The following ENPP2 variants were observed in gnomAD, a reference collection of about 807,000 sequenced individuals.
The protein encoded by ENPP2 is autotaxin.
A neutral mutation model predicts 120.2 loss-of-function variants in ENPP2; 51 were observed. The observed-to-expected ratio is 0.42, with a 90% CI of 0.34 to 0.54. The LOEUF (loss-of-function observed/expected upper bound fraction) is 0.54, where lower values mean the gene tolerates loss of function less well. ENPP2 is among the 20% of genes least tolerant of loss of function. The probability of loss-of-function intolerance (pLI) is 0.04; values close to 1 mark genes in which losing one functional copy is unlikely to be tolerated. For synonymous variants in ENPP2, 365 were observed against 366.4 expected, an observed-to-expected ratio of 1.00 and a Z score of 0.04; for missense variants, 920 against 1,066.5, an observed-to-expected ratio of 0.86 and a Z score of 1.91.
At chr8:119,623,780 C>T (rs1020673104) in intron 3 of ENPP2, among the ~76,000 whole-genome samples, 11 of 152,050 alleles carry the variant, frequency 7.2e-5, no homozygotes, top group Non-Finnish European at 1.0e-4. Context: ...TGCCTCCCCC[C>T]ATGCCTGGGT....
At chr8:119,641,854 C>T (rs1454655054), upstream of ENPP2, among the ~76,000 whole-genome samples, 1 of 152,146 alleles carries the variant, frequency 6.6e-6, no homozygotes, top group African/African-American at 2.4e-5. Flanking sequence ...GTTCCTGCAG[C>T]AGACGTGATT....
intron 22 of ENPP2, 104 bp downstream of exon 22, chr8:119,568,071 A>G: frequency 1.4e-6 from 1 of 723,544 alleles, no homozygotes; most frequent in Non-Finnish European, 2.5e-6. Flanking sequence ...TAAACACATG[A>G]AAAGTATTCT....
At chr8:119,564,289 T>G (rs1452162007) in intron 23 of ENPP2, among the ~76,000 whole-genome samples, 2 of 152,270 alleles carry the variant, frequency 1.3e-5, no homozygotes, top group African/African-American at 4.8e-5. Flanking sequence ...ATTAAATCCT[T>G]TAATACATTT....
Position 119,616,304 on chromosome 8 carries a change from C to T in ENPP2, c.738G>A (p.Gly246=). The part of the protein sequence containing the change: ...PVFDATFHLR[G]REKFNHRWWG... ...ACCATCTATGATTAAATTTCTCTCG[C>T]CCTCGCAGATGAAAAGTGGCATCAA... The change falls in exon 8 of 25, where the codon GGG becomes GGA. Residue 246 remains glycine, a synonymous_variant. Transcript: ENST00000075322. 1 of 1,609,228 alleles carries T rather than the reference C, an allele frequency of 6.2e-7. No individual in the cohort carries two copies. The highest frequency in any genetic ancestry group is 8.5e-7 in the Non-Finnish European group (1 of 1,176,596).
chr8:119,625,125 T>C (rs1816181599), intron 3 of ENPP2, among the ~76,000 whole-genome samples: 1 of 152,114 alleles, frequency 6.6e-6, no homozygotes, highest in African/African-American at 2.4e-5. Flanking sequence ...GACAAGATAT[T>C]CAAGGTAAGG....
At chr8:119,574,373 GGGATTTCTTCACGT>G (rs1812190417) in intron 19 of ENPP2, among the ~76,000 whole-genome samples, 1 of 151,176 alleles carries the variant, frequency 6.6e-6, no homozygotes, top group Non-Finnish European at 1.5e-5. Context: ...ATATGTTTCT[GGGATTTCTTCACGT>G]GGATCTAGTA....
intron 12 of ENPP2, chr8:119,592,830 T>C (rs962929652): frequency 2.1e-4 from 23 of 110,064 alleles, no homozygotes; most frequent in Non-Finnish European, 3.8e-4. Context: ...TTTGGCTTTT[T>C]TTTTTTTTTT....
At chr8:119,576,554 AG>A (rs1408810671) in intron 19 of ENPP2, among the ~76,000 whole-genome samples, 1 of 152,246 alleles carries the variant, frequency 6.6e-6, no homozygotes, top group African/African-American at 2.4e-5. Context: ...GATGATGGTG[AG>A]GGCTAACCTA....
At chr8:119,659,381 C>A (rs545996091) in intron 1 of ENPP2, among the ~76,000 whole-genome samples, 2 of 149,806 alleles carry the variant, frequency 1.3e-5, no homozygotes, top group South Asian at 4.3e-4. Context: ...GGTACTAATC[C>A]CTAACCCTAG....
At chr8:119,640,647 G>A (rs1817253370), upstream of ENPP2, among the ~76,000 whole-genome samples, 3 of 152,198 alleles carry the variant, frequency 2.0e-5, no homozygotes, top group Non-Finnish European at 2.9e-5. Flanking sequence ...CAGACTAGCT[G>A]GGCAGGGGGA....
At chr8:119,568,303 A>C (rs1327645353) in intron 21 of ENPP2, 51 bp from the exon 22 acceptor site, 2 of 875,180 alleles carry the variant, frequency 2.3e-6, no homozygotes, top group Non-Finnish European at 3.4e-6. Flanking sequence ...AATCTATATC[A>C]GTTAAAAAAA....
At chr8:119,646,986 T>C (rs1231475437) in intron 1 of ENPP2, among the ~76,000 whole-genome samples, 1 of 151,664 alleles carries the variant, frequency 6.6e-6, no homozygotes, top group Non-Finnish European at 1.5e-5. Flanking sequence ...CCATATTGTC[T>C]GTAATCTCTC....
intron 2 of ENPP2, among the ~76,000 whole-genome samples, chr8:119,635,418 A>G (rs1208463731): frequency 6.6e-6 from 1 of 152,236 alleles, no homozygotes; most frequent in Non-Finnish European, 1.5e-5. Context: ...AGGATATTCT[A>G]TTTCCACCTG....
intron 1 of ENPP2, among the ~76,000 whole-genome samples, chr8:119,664,140 C>G (rs943296777): frequency 1.3e-5 from 2 of 152,142 alleles, no homozygotes; most frequent in African/African-American, 4.8e-5. Flanking sequence ...TAAAATCATT[C>G]TTATGAAAGT....
In ENPP2 at chr8:119,583,819, G is replaced by C. The variant is rs1224125790; in HGVS notation, c.1456-15C>G. ...ACAAAAACAGTCTTCCAAAAGAAAA[G>C]AAAAACAAAAACAGTTAAGCATTGT... is the stretch of plus-strand genomic sequence containing the variant. On this transcript the variant is annotated splice_polypyrimidine_tract_variant and intron_variant, in intron 16 of 24. Coordinates refer to ENST00000075322, the MANE Select transcript of ENPP2 (RefSeq NM_001040092.3). The C allele has an allele frequency of 1.3e-6, 2 of 1,545,264 alleles. No individual in the cohort carries two copies. The highest frequency in any genetic ancestry group is 1.8e-6 in the Non-Finnish European group (2 of 1,123,668).
chr8:119,608,758 T>A (rs1814897632), intron 8 of ENPP2, among the ~76,000 whole-genome samples: 1 of 152,208 alleles, frequency 6.6e-6, no homozygotes, highest in Non-Finnish European at 1.5e-5. Flanking sequence ...ACAATGTAAA[T>A]AATCTTATCT....
At chr8:119,600,841 T>A in intron 10 of ENPP2, 91 bp from the exon 11 acceptor site, 1 of 803,690 alleles carries the variant, frequency 1.2e-6, no homozygotes, top group Admixed American at 2.4e-5. Flanking sequence ...TAAAAAAAAA[T>A]GTTCTCAAGT....
At chr8:119,576,354 T>A (rs760449841) in intron 19 of ENPP2, among the ~76,000 whole-genome samples, 3 of 152,098 alleles carry the variant, frequency 2.0e-5, no homozygotes, top group Non-Finnish European at 2.9e-5. Context: ...GTCAGGCTGG[T>A]TTTGAACTCT....
intron 2 of ENPP2, 71 bp downstream of exon 2, chr8:119,638,354 T>C (rs1393148858): frequency 3.9e-6 from 3 of 776,010 alleles, no homozygotes. Flanking sequence ...AATATTTTAA[T>C]AAGCTTACAT....
Sources: allele counts gnomAD v4.1 joint callset (sites outside exome capture counted in the v4.1 genomes callset), GRCh38; gene constraint gnomAD v4.1.1; transcripts MANE v1.5; gene names NCBI Gene and HGNC (gene_info 2026-07-23, HGNC 2026-07-21).